CDK6: variants seen among roughly 807,000 people sequenced by gnomAD.
CDK6 encodes the protein cyclin dependent kinase 6.
In CDK6, 6 loss-of-function variants were observed where a neutral mutation model predicts 37.1. The observed-to-expected ratio is 0.16, with a 90% confidence interval of 0.09 to 0.32. The LOEUF (loss-of-function observed/expected upper bound fraction) is 0.32. CDK6 is among the 10% of genes least tolerant of loss of function. CDK6 has a pLI of 1.00. For missense variants in CDK6, 224 were observed against 418.9 expected (o/e 0.53, Z 4.06); for synonymous variants, 160 against 161.3 (o/e 0.99, Z 0.06).
intron 7 of CDK6, among the ~76,000 whole-genome samples, chr7:92,616,069 T>C (rs1033848390): frequency 2.6e-5 from 4 of 151,962 alleles, no homozygotes; most frequent in Non-Finnish European, 4.4e-5. Context: ...AAGCACTAAT[T>C]AGTGATGAGT....
chr7:92,771,273 A>G (rs1173716919), intron 3 of CDK6, among the ~76,000 whole-genome samples: 1 of 148,738 alleles, frequency 6.7e-6, no homozygotes, highest in Non-Finnish European at 1.5e-5. Flanking sequence ...AGTATCTTAG[A>G]TATGTGACTC....
chr7:92,772,230 A>G (rs764573372), intron 3 of CDK6, among the ~76,000 whole-genome samples: 1 of 152,196 alleles, frequency 6.6e-6, no homozygotes, highest in Non-Finnish European at 1.5e-5. Flanking sequence ...GAATGAAGAT[A>G]AAAGAGTCTT....
intron 2 of CDK6, among the ~76,000 whole-genome samples, chr7:92,817,719 C>T (rs1584117188): frequency 6.6e-6 from 1 of 151,892 alleles, no homozygotes; most frequent in African/African-American, 2.4e-5. Context: ...ACTGTCTATT[C>T]TCAGATGATG....
rs1479181745 is a variant in CDK6, at chr7:92,778,946, T to TATATATATATATAA, written c.234-4116_234-4115insTTATATATATATAT. On this transcript the variant is annotated intron_variant, in intron 2 of 7. Transcript: ENST00000424848. ...TATCATATATATATATATATATATA[T>TATATATATATATAA]AAGATATTATAGTAATTTCCAAAAG... is the stretch of plus-strand genomic sequence containing the variant. Among the ~76,000 whole-genome samples the TATATATATATATAA allele has an allele frequency of 2.6e-3, 355 of 134,980 alleles. 27 individuals are homozygous for TATATATATATATAA. Among genetic ancestry groups the TATATATATATATAA allele is most frequent in the African/African-American group, 8.8e-3 (294 of 33,530 alleles). The allele number at this position is 134,980 out of a possible 152,430, so 88.6% of individuals were successfully genotyped here. A position where few individuals can be genotyped will look rare whatever the true frequency, so the allele number is the denominator to read the frequency against.
rs187727772 is a variant in CDK6, at chr7:92,835,792, G to C, written c.-368+686C>G. On this transcript the variant is annotated intron_variant, in intron 1 of 7. Coordinates refer to ENST00000424848, the MANE Select transcript of CDK6 (RefSeq NM_001145306.2). This position sits in a 1 kb window ranked among gnomAD's most constrained non-coding sequence, Gnocchi z 4.2. ...ATGCACACGGACGGGCGCGCTGCGG[G>C]GACCAGGGCTGCTCACTGCGGGGCG... 1.3e-3 allele frequency among the ~76,000 whole-genome samples: 193 copies of C among 152,332 alleles called. 1 individual carries two copies. The highest frequency in any genetic ancestry group is 4.4e-3 in the African/African-American group (181 of 41,586).
At chr7:92,677,370 C>A (rs929941589) in intron 4 of CDK6, among the ~76,000 whole-genome samples, 1 of 152,186 alleles carries the variant, frequency 6.6e-6, no homozygotes, top group Non-Finnish European at 1.5e-5. Flanking sequence ...GTAATCCCAG[C>A]ACTTTGGGAG....
chr7:92,667,603 G>T (rs1040599772), intron 5 of CDK6, among the ~76,000 whole-genome samples: 3 of 150,666 alleles, frequency 2.0e-5, no homozygotes, highest in Non-Finnish European at 4.4e-5. Flanking sequence ...AGGCTGGAGT[G>T]CAGTGGTGTG....
At chr7:92,653,601 AGTT>A (rs1309421965) in intron 5 of CDK6, among the ~76,000 whole-genome samples, 45 of 152,282 alleles carry the variant, frequency 3.0e-4, no homozygotes, top group Non-Finnish European at 6.2e-4. Context: ...ATCCAGAATG[AGTT>A]TTCTGTATTC....
intron 5 of CDK6, among the ~76,000 whole-genome samples, chr7:92,631,243 A>T (rs934194502): frequency 2.0e-5 from 3 of 152,142 alleles, no homozygotes; most frequent in African/African-American, 7.2e-5. Context: ...CAGTGTCAGT[A>T]CTGAAAATGC....
intron 4 of CDK6, among the ~76,000 whole-genome samples, chr7:92,680,628 C>G (rs1398799186): frequency 6.6e-6 from 1 of 152,028 alleles, no homozygotes; most frequent in African/African-American, 2.4e-5. Context: ...TTGTCCTCAC[C>G]TCTGCTCTGA....
chr7:92,635,580 C>T (rs1796151573), intron 5 of CDK6, among the ~76,000 whole-genome samples: 1 of 152,128 alleles, frequency 6.6e-6, no homozygotes, highest in Non-Finnish European at 1.5e-5. Context: ...GTAAGGCTAC[C>T]AATCAAGAAC....
intron 5 of CDK6, among the ~76,000 whole-genome samples, chr7:92,663,948 T>C (rs1357191857): frequency 6.6e-6 from 1 of 151,682 alleles, no homozygotes; most frequent in African/African-American, 2.4e-5. Context: ...GGTCAGGAGA[T>C]CAAGACCACG....
chr7:92,722,485 CTTGAGA>C (rs1798391456), intron 4 of CDK6, among the ~76,000 whole-genome samples: 1 of 152,152 alleles, frequency 6.6e-6, no homozygotes, highest in Admixed American at 6.5e-5. Flanking sequence ...TCACTCCTAA[CTTGAGA>C]TTGAGCTACA....
At chr7:92,832,947 C>T (rs1801529349) in intron 2 of CDK6, 144 bp downstream of exon 2, 1 of 627,952 alleles carries the variant, frequency 1.6e-6, no homozygotes, top group Non-Finnish European at 2.8e-6. Context: ...CAAAACTTAA[C>T]TCTCACTCTG....
chr7:92,822,108 A>G (rs1226460343), intron 2 of CDK6, among the ~76,000 whole-genome samples: 1 of 152,148 alleles, frequency 6.6e-6, no homozygotes, highest in Non-Finnish European at 1.5e-5. Context: ...AACAAAAATG[A>G]GCAGTCACAG....
intron 3 of CDK6, among the ~76,000 whole-genome samples, chr7:92,754,824 A>G (rs1799273205): frequency 6.6e-6 from 1 of 152,198 alleles, no homozygotes; most frequent in African/African-American, 2.4e-5. Context: ...AAGGGTTGAC[A>G]GTCAGCAAGA....
At chr7:92,650,894 CTCTT>C (rs1438804843) in intron 5 of CDK6, among the ~76,000 whole-genome samples, 4 of 151,876 alleles carry the variant, frequency 2.6e-5, no homozygotes, top group Admixed American at 2.6e-4. Flanking sequence ...AAAATTCTCT[CTCTT>C]TTTTTTTTTT....
chr7:92,809,497 C>A (rs1247247280), intron 2 of CDK6, among the ~76,000 whole-genome samples: 2 of 152,210 alleles, frequency 1.3e-5, no homozygotes, highest in Non-Finnish European at 2.9e-5. Context: ...TTTCCTAAAA[C>A]CAAAGCTGCA....
rs369720225 is a variant in CDK6, at chr7:92,683,553, T to C, written c.538-12018A>G. 8.5e-5 allele frequency among the ~76,000 whole-genome samples: 13 copies of C among 152,358 alleles called. 1 individual carries two copies. Among genetic ancestry groups the C allele is most frequent in the African/African-American group, 3.1e-4 (13 of 41,592 alleles). ...TCAGGTGGAAGCAGTCATGAAGGTA[T>C]AGCTCATTCAGCTCATTCTGCAGTA... On this transcript the variant is annotated intron_variant, in intron 4 of 7. Coordinates refer to ENST00000424848, the MANE Select transcript of CDK6 (RefSeq NM_001145306.2).
Sources: allele counts gnomAD v4.1 joint callset (sites outside exome capture counted in the v4.1 genomes callset), GRCh38; gene constraint gnomAD v4.1.1; non-coding constraint Gnocchi (gnomAD v3.1); transcripts MANE v1.5; gene names NCBI Gene and HGNC (gene_info 2026-07-23, HGNC 2026-07-21).